Variants in CCDC183 observed in about 807,000 individuals in gnomAD.
CCDC183 encodes coiled-coil domain-containing protein 183.
CCDC183 carries 63 observed loss-of-function variants against 65.2 expected under a neutral mutation model. The observed-to-expected ratio is 0.97, with a 90% CI of 0.79 to 1.19. The LOEUF is 1.19. Ranked by LOEUF, CCDC183 falls within the 50% of genes most tolerant of loss-of-function variation. The pLI is 0.00. For missense variants in CCDC183, 769 were observed against 689.3 expected (o/e 1.12, Z -1.30); for synonymous variants, 323 against 276.5 (o/e 1.17, Z -1.67).
chr9:136,804,143 G>C lies in CCDC183; in HGVS notation c.667-359G>C, dbSNP rs1025394701. 13 of 257,816 alleles carry C rather than the reference G, an allele frequency of 5.0e-5. No homozygotes were observed. Among genetic ancestry groups the C allele is most frequent in the Non-Finnish European group, 8.5e-5 (11 of 129,846 alleles). 16.0% of individuals were successfully genotyped at this position (257,816 alleles called of 1,614,324 possible). On this transcript the variant is annotated intron_variant, in intron 6 of 13. Transcript: ENST00000338005. This position sits in a 1 kb window ranked among gnomAD's most constrained non-coding sequence, Gnocchi z 4.1. ...CAGGGGTTAGCAGATGACGGTTTTA[G>C]CTGCCCAAGGGCACGCTGGAAGAGG...
chr9:136,806,783 C>T lies in CCDC183; in HGVS notation c.1305C>T (p.Leu435=). Residue 435 remains leucine (L), a synonymous_variant, in exon 12 of 14, where the codon CTC becomes CTT. Transcript: ENST00000338005. ...TQREVVLSNT[L]DLNSKLAYCE... is the part of the protein sequence containing the mutation. ...GAGAAGTGGTGCTCTCCAACACCCT[C>T]GATTTGAACAGCAAGCTGGCGTACT... is the stretch of plus-strand genomic sequence containing the variant. The T allele has an allele frequency of 6.2e-7, 1 of 1,613,636 alleles. No individual in the cohort carries two copies. Among genetic ancestry groups the T allele is most frequent in the Non-Finnish European group, 8.5e-7 (1 of 1,180,038 alleles).
chr9:136,799,189 G>A lies in CCDC183; in HGVS notation c.158G>A (p.Arg53His), dbSNP rs1459682384. Residue 53 changes from arginine to histidine, a missense_variant, in exon 2 of 14, where the codon CGC becomes CAC. Transcript: ENST00000338005. ...CTGGCCCTCCTGCGCAGCAACATCC[G>A]CCGCGGGGCCCAGGACTGGGCTTTG... ...ATLALLRSNI[R>H]RGAQDWALAK... 1.8e-5 allele frequency: 29 copies of A among 1,610,480 alleles called. No individual in the cohort carries two copies. Among genetic ancestry groups the A allele is most frequent in the Middle Eastern group, 1.7e-4 (1 of 5,870 alleles).
intron 5 of CCDC183, 169 bp downstream of exon 5, chr9:136,800,662 T>G (rs1847725391): frequency 3.3e-6 from 2 of 599,200 alleles, no homozygotes. Context: ...AAACTTCATT[T>G]TTGGCTATTC....
chr9:136,800,240 C>T (rs573600624), intron 4 of CCDC183, 71 bp downstream of exon 4: 2 of 128,000 alleles, frequency 1.6e-5, no homozygotes, highest in African/African-American at 1.3e-4. Flanking sequence ...GCGGGGCCAC[C>T]GGGGGGCGGG....
intron 10 of CCDC183, 23 bp from the exon 11 acceptor site, chr9:136,806,481 T>C: frequency 4.3e-6 from 7 of 1,613,142 alleles, no homozygotes; most frequent in Non-Finnish European, 5.9e-6. Flanking sequence ...CCCTCACTGC[T>C]GTGTCCCTAT....
At position 136,806,619 on chromosome 9, in the gene CCDC183, G is replaced by A. The variant is rs369392866; in HGVS notation, c.1225G>A (p.Gly409Ser). Residue 409 changes from glycine to serine, a missense_variant, in exon 11 of 14, where the codon GGC (glycine) becomes AGC (serine). Transcript: ENST00000338005. ...GQELLLTIQM[G>S]IDNLYVRLMG... ...GGAGCTGCTGCTGACCATCCAGATGGGCATCGACAACCTCTATGTCCGGCT... is the reference window on the plus strand; with the variant it reads ...GGAGCTGCTGCTGACCATCCAGATGAGCATCGACAACCTCTATGTCCGGCT... 3.8e-5 allele frequency: 62 copies of A among 1,613,630 alleles called. No homozygotes were observed. Among genetic ancestry groups the A allele is most frequent in the Non-Finnish European group, 5.2e-5 (61 of 1,180,032 alleles).
At chr9:136,806,925 C>T (rs1189710337) in intron 12 of CCDC183, 45 bp from the exon 13 acceptor site, 2 of 1,613,426 alleles carry the variant, frequency 1.2e-6, no homozygotes, top group Non-Finnish European at 8.5e-7. Flanking sequence ...CTGACAGGCT[C>T]CCGTTCAGAG....
At chr9:136,799,842 ACC>A in intron 3 of CCDC183, 52 bp downstream of exon 3, 1 of 1,372,568 alleles carries the variant, frequency 7.3e-7, no homozygotes, top group South Asian at 1.2e-5. Context: ...CCCTGCCAGC[ACC>A]CCCCCACTAG....
chr9:136,805,070 C>T, intron 8 of CCDC183: 1 of 594,492 alleles, frequency 1.7e-6, no homozygotes. Context: ...AGAGGATGAG[C>T]ATCCTGACCC....
At chr9:136,805,299 A>C in intron 8 of CCDC183, 58 bp from the exon 9 acceptor site, 7 of 1,433,964 alleles carry the variant, frequency 4.9e-6, no homozygotes, top group Non-Finnish European at 4.8e-6. Flanking sequence ...TGACAGCCTT[A>C]CACAGAGCCC....
In CCDC183 at chr9:136,800,080, C is replaced by G. The variant is rs1368316108; in HGVS notation, c.349C>G (p.Arg117Gly). 1.3e-6 allele frequency: 2 copies of G among 1,572,198 alleles called. No homozygotes were observed. The highest frequency in any genetic ancestry group is 1.7e-6 in the Non-Finnish European group (2 of 1,160,378). Residue 117 changes from arginine to glycine, a missense_variant, in exon 4 of 14, where the codon CGC (arginine) becomes GGC (glycine). Coordinates refer to ENST00000338005, the MANE Select transcript of CCDC183 (RefSeq NM_001039374.5). Reference protein sequence around the residue: ...HNLLIHLVRRRGQKLESMQLE... With the variant: ...HNLLIHLVRRGGQKLESMQLE... ...CCTACTGATCCACCTGGTGCGGCGGCGCGGGCAGAAGCTGGAGAGCATGCA... is the reference window on the plus strand; with the variant it reads ...CCTACTGATCCACCTGGTGCGGCGGGGCGGGCAGAAGCTGGAGAGCATGCA...
rs1364526592 is a variant in CCDC183 at position 136,807,596 on chromosome 9, A to C, written c.1511A>C (p.Asp504Ala). Residue 504 changes from aspartate to alanine, a missense_variant, in exon 14 of 14, where the codon GAC becomes GCC. Physicochemically the swap from Asp to Ala is moderately radical, Grantham distance 126. Transcript: ENST00000338005. The part of the protein sequence containing the change: ...MIDTFQFPDM[D>A]HSYVPSRAEI... ...GACACCTTCCAGTTCCCCGACATGGACCACAGCTACGTCCCTTCGCGCGCC... is the reference window on the plus strand; with the variant it reads ...GACACCTTCCAGTTCCCCGACATGGCCCACAGCTACGTCCCTTCGCGCGCC... 6 of 1,606,154 alleles carry C rather than the reference A, an allele frequency of 3.7e-6. No homozygotes were observed. The highest frequency in any genetic ancestry group is 5.1e-6 in the Non-Finnish European group (6 of 1,176,968).
At chr9:136,800,537 T>G in intron 5 of CCDC183, 44 bp downstream of exon 5, 3 of 1,333,216 alleles carry the variant, frequency 2.3e-6, no homozygotes, top group African/African-American at 1.5e-5. Context: ...GGGGCTGGGA[T>G]CTGGGAGGGG....
intron 5 of CCDC183, among the ~76,000 whole-genome samples, chr9:136,801,500 G>A (rs549292086): frequency 6.6e-6 from 1 of 152,120 alleles, no homozygotes; most frequent in African/African-American, 2.4e-5. Flanking sequence ...GAGGTCAGGA[G>A]TTCTAGACCA....
chr9:136,799,503 C>A (rs901940040), intron 2 of CCDC183: 4 of 681,148 alleles, frequency 5.9e-6, no homozygotes, highest in Admixed American at 3.0e-5. Flanking sequence ...AGGGGACACC[C>A]AGGCCCTCCT....
intron 9 of CCDC183, 170 bp from the exon 10 acceptor site, chr9:136,805,908 C>G (rs114930598): frequency 1.6e-6 from 1 of 611,586 alleles, no homozygotes; most frequent in African/African-American, 1.9e-5. Context: ...GTGGGAGGAT[C>G]GCTTGAGTCT....
intron 3 of CCDC183, 85 bp from the exon 4 acceptor site, chr9:136,799,917 A>ACGAG: frequency 6.6e-7 from 1 of 1,520,242 alleles, no homozygotes; most frequent in South Asian, 1.2e-5. Flanking sequence ...TGGGGTTGCC[A>ACGAG]CGAGCCTCCA....
Position 136,804,296 on chromosome 9 carries a change from G to A in CCDC183, c.667-206G>A, listed in dbSNP as rs1168308375. The A allele has an allele frequency of 6.3e-6, 4 of 633,324 alleles. No homozygotes were observed. Among genetic ancestry groups the A allele is most frequent in the Non-Finnish European group, 1.0e-5 (4 of 381,156 alleles). The allele number at this position is 633,324 out of a possible 1,614,324, so 39.2% of individuals were successfully genotyped here. A position where few individuals can be genotyped will look rare whatever the true frequency, so the allele number is the denominator to read the frequency against. On this transcript the variant is annotated intron_variant, in intron 6 of 13. Coordinates refer to ENST00000338005, the MANE Select transcript of CCDC183 (RefSeq NM_001039374.5). The surrounding 1 kb of genome is among the most constrained non-coding windows in gnomAD (Gnocchi z 4.1). The stretch of plus-strand genomic sequence containing the variant: ...GGAGGGCAGCAGAGCGTCTGGGCTG[G>A]CACATGCTCTGAGGCATGGGCAAGG...
rs1012387740 is a variant in CCDC183 at position 136,801,256 on chromosome 9, G to A, written c.543+763G>A. ...GTCCTCTGCTTGTCCCTCTTGCCTT[G>A]GCCCCTGGTCCTATTGGCTCACCTG... is the stretch of plus-strand genomic sequence containing the variant. On this transcript the variant is annotated intron_variant, in intron 5 of 13. Transcript: ENST00000338005. Among the ~76,000 whole-genome samples, 5 of 151,820 alleles carry A rather than the reference G, an allele frequency of 3.3e-5. No individual in the cohort carries two copies. The East Asian group carries it at 9.7e-4, about 30-fold the overall frequency.
Sources: allele counts gnomAD v4.1 joint callset (sites outside exome capture counted in the v4.1 genomes callset), GRCh38; gene constraint gnomAD v4.1.1; non-coding constraint Gnocchi (gnomAD v3.1); transcripts MANE v1.5; gene names NCBI Gene and HGNC (gene_info 2026-07-23, HGNC 2026-07-21).